Variants in FAAH2 observed in about 807,000 individuals in gnomAD.
The protein encoded by FAAH2 is fatty acid amide hydrolase 2, also known as fatty-acid amide hydrolase 2.
FAAH2 carries 60 observed loss-of-function variants against 36.9 expected under a neutral mutation model. That is an observed-to-expected ratio of 1.63 (90% CI 1.32 to 2.02). FAAH2 has a LOEUF of 2.02. Among genes scored for constraint, FAAH2 ranks in the 30% most tolerant of loss-of-function variants. The pLI, the probability that FAAH2 is intolerant of heterozygous loss-of-function variation, is 0.00. For synonymous variants in FAAH2, 214 were observed against 143.8 expected, an observed-to-expected ratio of 1.49 and a Z score of -3.49; for missense variants, 689 against 397.5, an observed-to-expected ratio of 1.73 and a Z score of -6.23.
intron 1 of FAAH2, 106 bp downstream of exon 1, chrX:57,287,123 C>A (rs949387243): frequency 3.5e-5 from 29 of 834,652 alleles, no homozygotes; most frequent in African/African-American, 6.4e-5. Flanking sequence ...TCTACTAGGG[C>A]GACTTAGGAG....
chrX:57,350,033 A>C (rs1452651221), intron 5 of FAAH2, among the ~76,000 whole-genome samples: 1 of 111,194 alleles, frequency 9.0e-6, no homozygotes, highest in Non-Finnish European at 1.9e-5. Flanking sequence ...CCTATTAAAG[A>C]AAAACTATCC....
At chrX:57,255,295 A>C in the FAAH2 span, among the ~76,000 whole-genome samples, 8 of 111,818 alleles carry the variant, frequency 7.2e-5, no homozygotes, top group Non-Finnish European at 1.1e-4. Flanking sequence ...TAGCCTACCA[A>C]CCAAAAAAAG....
chrX:57,332,340 G>A (rs1436897750), intron 4 of FAAH2, among the ~76,000 whole-genome samples: 1 of 112,269 alleles, frequency 8.9e-6, no homozygotes, highest in Non-Finnish European at 1.9e-5. Flanking sequence ...AAATTTAAGT[G>A]TGACTTCAGG....
chrX:57,423,482 T>C (rs978932023), intron 7 of FAAH2, among the ~76,000 whole-genome samples: 5 of 111,682 alleles, frequency 4.5e-5, no homozygotes, highest in African/African-American at 1.6e-4. Context: ...TGTTTGTGTC[T>C]CGTCTGGCTG....
intron 7 of FAAH2, among the ~76,000 whole-genome samples, chrX:57,418,639 C>G (rs923066771): frequency 1.8e-5 from 2 of 110,766 alleles, no homozygotes; most frequent in African/African-American, 6.6e-5. Context: ...CTGCGTTGAT[C>G]TGGCTGGGAG....
the FAAH2 span, among the ~76,000 whole-genome samples, chrX:57,254,108 A>T: frequency 4.5e-5 from 5 of 111,247 alleles, no homozygotes; most frequent in East Asian, 2.8e-4. Flanking sequence ...AAGCAAAAAA[A>T]AAAGGCAAGG....
chrX:57,301,587 A>T (rs534581257), intron 2 of FAAH2, among the ~76,000 whole-genome samples: 1 of 93,806 alleles, frequency 1.1e-5, no homozygotes, highest in South Asian at 6.0e-4. Flanking sequence ...CGTTGTGCAC[A>T]TGTACCCTAA....
chrX:57,319,621 A>G (rs951951942), intron 3 of FAAH2, among the ~76,000 whole-genome samples: 3 of 112,118 alleles, frequency 2.7e-5, no homozygotes, highest in African/African-American at 9.7e-5. Flanking sequence ...ATTCAATGCT[A>G]TCCCCATTGA....
chrX:57,372,745 GT>G (rs1464725327), intron 5 of FAAH2, among the ~76,000 whole-genome samples: 1 of 110,094 alleles, frequency 9.1e-6, no homozygotes, highest in Non-Finnish European at 1.9e-5. Flanking sequence ...ATTACAATAG[GT>G]TTTTGGGGAA....
chrX:57,125,890 A>C, the FAAH2 span, among the ~76,000 whole-genome samples: 5 of 112,204 alleles, frequency 4.5e-5, no homozygotes, highest in African/African-American at 1.6e-4. Flanking sequence ...GTGTTTAACT[A>C]TTTGTAATGA....
intron 6 of FAAH2, among the ~76,000 whole-genome samples, chrX:57,380,665 T>G (rs750282063): frequency 2.7e-5 from 3 of 112,292 alleles, no homozygotes; most frequent in Admixed American, 9.5e-5. Context: ...TAGCATGAAC[T>G]ACCACCAAAA....
chrX:57,166,125 G>A, the FAAH2 span, among the ~76,000 whole-genome samples: 2 of 109,226 alleles, frequency 1.8e-5, no homozygotes, highest in Non-Finnish European at 1.9e-5. Context: ...AGCTGGGGGT[G>A]GTCGGAGGAG....
chrX:57,456,644 T>G (rs892325681), intron 10 of FAAH2, among the ~76,000 whole-genome samples: 1 of 112,198 alleles, frequency 8.9e-6, no homozygotes, highest in African/African-American at 3.2e-5. Flanking sequence ...GAATAGTTCC[T>G]TAGAGACTAT....
chrX:57,471,582 G>A (rs758998636), intron 10 of FAAH2, among the ~76,000 whole-genome samples: 15 of 111,766 alleles, frequency 1.3e-4, no homozygotes, highest in African/African-American at 4.6e-4. Context: ...ACTGCTCAAC[G>A]AAATAAAAGA....
chrX:57,228,018 G>A, the FAAH2 span, among the ~76,000 whole-genome samples: 1 of 111,978 alleles, frequency 8.9e-6, no homozygotes, highest in Non-Finnish European at 1.9e-5. Context: ...CCCTGAACCT[G>A]TTTCCAGGTG....
chrX:57,226,934 A>G, the FAAH2 span, among the ~76,000 whole-genome samples: 1 of 111,881 alleles, frequency 8.9e-6, no homozygotes, highest in South Asian at 3.7e-4. Context: ...CTACTTGTTC[A>G]ATTCTATTGC....
chrX:57,480,010 A>T (rs2057350603), intron 10 of FAAH2, among the ~76,000 whole-genome samples: 1 of 112,106 alleles, frequency 8.9e-6, no homozygotes, highest in Non-Finnish European at 1.9e-5. Flanking sequence ...TAGAAAATCT[A>T]GAAGAAATGG....
chrX:57,459,362 G>A (rs73224083), intron 10 of FAAH2, among the ~76,000 whole-genome samples: 40 of 112,182 alleles, frequency 3.6e-4, no homozygotes, highest in Non-Finnish European at 7.1e-4. Flanking sequence ...CATCTCCCTG[G>A]GGCAGAGCAC....
chrX:57,487,231 C>T (rs928326779), intron 10 of FAAH2, among the ~76,000 whole-genome samples: 1 of 109,850 alleles, frequency 9.1e-6, no homozygotes, highest in African/African-American at 3.3e-5. Flanking sequence ...TAAAAGGTTT[C>T]CTAGATACAG....
Sources: allele counts gnomAD v4.1 joint callset (sites outside exome capture counted in the v4.1 genomes callset), GRCh38; gene constraint gnomAD v4.1.1; transcripts MANE v1.5; gene names NCBI Gene and HGNC (gene_info 2026-07-23, HGNC 2026-07-21).